The following SLC9A9 variants were observed in gnomAD, a reference collection of about 807,000 sequenced individuals.
SLC9A9 encodes sodium/hydrogen exchanger 9.
In SLC9A9, 62 loss-of-function variants were observed where a neutral mutation model predicts 77.8. The observed-to-expected ratio is 0.80, with a 90% CI of 0.65 to 0.98. SLC9A9 has a LOEUF of 0.98. Ranked by LOEUF, SLC9A9 falls within the 50% of genes least tolerant of loss-of-function variation. The pLI, the probability that SLC9A9 is intolerant of heterozygous loss-of-function variation, is 0.00. For missense variants in SLC9A9, 775 were observed against 774.9 expected, an observed-to-expected ratio of 1.00 and a Z score of 0.00; for synonymous variants, 320 against 283.5, an observed-to-expected ratio of 1.13 and a Z score of -1.29.
At chr3:143,667,796 C>T (rs916560499) in intron 5 of SLC9A9, among the ~76,000 whole-genome samples, 1 of 152,152 alleles carries the variant, frequency 6.6e-6, no homozygotes, top group Non-Finnish European at 1.5e-5. Context: ...ACATCTCATG[C>T]CAGTTATTAT....
At chr3:143,415,138 GA>G (rs1459316713) in intron 12 of SLC9A9, among the ~76,000 whole-genome samples, 1 of 152,232 alleles carries the variant, frequency 6.6e-6, no homozygotes, top group Non-Finnish European at 1.5e-5. Flanking sequence ...AACTGCAGAA[GA>G]AAAGTTTGAA....
chr3:143,606,436 CTATA>C (rs60773685), intron 6 of SLC9A9, among the ~76,000 whole-genome samples: 712 of 54,190 alleles, frequency 0.013, 13 homozygotes, highest in African/African-American at 0.036. Flanking sequence ...CTCTCTCTCT[CTATA>C]TATATATATA....
intron 5 of SLC9A9, among the ~76,000 whole-genome samples, chr3:143,671,858 T>A (rs1214385410): frequency 1.3e-5 from 2 of 152,228 alleles, no homozygotes; most frequent in Non-Finnish European, 2.9e-5. Context: ...TCTGACTCCC[T>A]CTGAGGTGTA....
At chr3:143,519,702 C>T (rs949636679) in intron 9 of SLC9A9, among the ~76,000 whole-genome samples, 8 of 152,076 alleles carry the variant, frequency 5.3e-5, no homozygotes, top group Non-Finnish European at 1.0e-4. Context: ...ATGTTAGTGG[C>T]CTGGACCAGC....
intron 12 of SLC9A9, among the ~76,000 whole-genome samples, chr3:143,416,514 A>G (rs920204010): frequency 6.6e-6 from 1 of 152,190 alleles, no homozygotes; most frequent in Non-Finnish European, 1.5e-5. Flanking sequence ...CAAAAAGATT[A>G]CTACTACTCA....
At chr3:143,347,898 TATCTC>T (rs940427615) in intron 14 of SLC9A9, among the ~76,000 whole-genome samples, 1 of 152,174 alleles carries the variant, frequency 6.6e-6, no homozygotes, top group African/African-American at 2.4e-5. Flanking sequence ...CAATTTAAAT[TATCTC>T]ATAAAAAGAT....
chr3:143,485,370 TC>T (rs2035638714), intron 11 of SLC9A9, among the ~76,000 whole-genome samples: 1 of 152,192 alleles, frequency 6.6e-6, no homozygotes, highest in South Asian at 2.1e-4. Context: ...CCTTCGATTT[TC>T]TTTTTCTCCA....
Position 143,674,517 on chromosome 3 carries a change from C to A in SLC9A9, c.649+18675G>T, listed in dbSNP as rs533202934. 6.1e-4 allele frequency among the ~76,000 whole-genome samples: 93 copies of A among 152,306 alleles called. 1 individual carries two copies. In the South Asian group the frequency reaches 0.017, roughly 27 times the overall value. On this transcript the variant is annotated intron_variant, in intron 5 of 15. Coordinates refer to ENST00000316549, the MANE Select transcript of SLC9A9 (RefSeq NM_173653.4). ...AGTGCCAGCGCCCTGGTTCACACTTCCCCTTGAAACCGGTGCGCCCCAGAA... is the reference window on the plus strand; with the variant it reads ...AGTGCCAGCGCCCTGGTTCACACTTACCCTTGAAACCGGTGCGCCCCAGAA...
chr3:143,708,578 A>G (rs1934056655), intron 4 of SLC9A9, among the ~76,000 whole-genome samples: 1 of 152,160 alleles, frequency 6.6e-6, no homozygotes, highest in Admixed American at 6.6e-5. Flanking sequence ...CTCAACCTGT[A>G]TCCCCAGTCT....
intron 12 of SLC9A9, among the ~76,000 whole-genome samples, chr3:143,417,288 C>G: frequency 6.6e-6 from 1 of 152,058 alleles, no homozygotes; most frequent in East Asian, 1.9e-4. Context: ...TGAAATGCCC[C>G]TACTATGGAC....
chr3:143,482,921 A>C (rs1289058332), intron 11 of SLC9A9, among the ~76,000 whole-genome samples: 2 of 152,304 alleles, frequency 1.3e-5, no homozygotes, highest in East Asian at 3.9e-4. Flanking sequence ...CAAGGGCAAG[A>C]GGAACAGTTT....
At chr3:143,579,315 A>T (rs2037415875) in intron 6 of SLC9A9, among the ~76,000 whole-genome samples, 2 of 152,164 alleles carry the variant, frequency 1.3e-5, no homozygotes, top group Non-Finnish European at 2.9e-5. Context: ...CACCAAAACA[A>T]ATGGCAACAG....
At chr3:143,621,257 G>T (rs1559997665) in intron 6 of SLC9A9, among the ~76,000 whole-genome samples, 1 of 152,224 alleles carries the variant, frequency 6.6e-6, no homozygotes, top group Non-Finnish European at 1.5e-5. Context: ...TGACAGCTTT[G>T]AAGAGAGTAG....
intron 9 of SLC9A9, among the ~76,000 whole-genome samples, chr3:143,513,004 G>T (rs2036142294): frequency 1.3e-5 from 2 of 152,206 alleles, no homozygotes; most frequent in East Asian, 1.9e-4. Context: ...CTAGTGGAGG[G>T]TCTTAACCTA....
intron 4 of SLC9A9, among the ~76,000 whole-genome samples, chr3:143,772,779 C>A (rs1306717015): frequency 1.3e-5 from 2 of 152,180 alleles, no homozygotes; most frequent in African/African-American, 4.8e-5. Flanking sequence ...GACGCTACTG[C>A]CCAAAAGTCC....
intron 4 of SLC9A9, among the ~76,000 whole-genome samples, chr3:143,720,297 T>G (rs909396220): frequency 6.6e-6 from 1 of 152,080 alleles, no homozygotes; most frequent in East Asian, 1.9e-4. Flanking sequence ...GAGGCACACA[T>G]TCCAAGATTT....
chr3:143,795,298 A>AAAAAAC (rs773512846), intron 3 of SLC9A9, among the ~76,000 whole-genome samples: 7 of 140,278 alleles, frequency 5.0e-5, no homozygotes, highest in African/African-American at 1.5e-4. Context: ...AAAAAAAAAA[A>AAAAAAC]AACCCACTGG....
intron 14 of SLC9A9, among the ~76,000 whole-genome samples, chr3:143,277,081 G>C (rs1938072568): frequency 6.6e-6 from 1 of 152,152 alleles, no homozygotes; most frequent in South Asian, 2.1e-4. Context: ...GGCAATCAAG[G>C]GACAGAGAAA....
At chr3:143,469,992 T>C (rs1483114132) in intron 11 of SLC9A9, among the ~76,000 whole-genome samples, 2 of 152,184 alleles carry the variant, frequency 1.3e-5, no homozygotes, top group African/African-American at 4.8e-5. Context: ...AGAGTGGGGA[T>C]ATTAATAACC....
Sources: gnomAD v4.1 joint callset for allele counts (sites outside exome capture counted in the v4.1 genomes callset) on GRCh38, gnomAD v4.1.1 for gene constraint, MANE v1.5 for transcripts, NCBI Gene and HGNC (gene_info 2026-07-23, HGNC 2026-07-21) for gene names.